The following ANO2 variants were observed in gnomAD, a reference collection of about 807,000 sequenced individuals.
The protein encoded by ANO2 is anoctamin-2.
In ANO2, 101 loss-of-function variants were observed where a neutral mutation model predicts 124.2. The observed-to-expected ratio is 0.81, with a 90% CI of 0.69 to 0.96. The LOEUF is 0.96. Among genes scored for constraint, ANO2 ranks in the 40% least tolerant of loss-of-function variants. The pLI, the probability that ANO2 is intolerant of heterozygous loss-of-function variation, is 0.00. For synonymous variants in ANO2, 486 were observed against 482.5 expected (o/e 1.01, Z -0.09); for missense variants, 1,293 against 1,274.5 (o/e 1.01, Z -0.22).
intron 4 of ANO2, among the ~76,000 whole-genome samples, chr12:5,850,323 A>C (rs757351089): frequency 6.6e-6 from 1 of 151,602 alleles, no homozygotes; most frequent in Non-Finnish European, 1.5e-5. Flanking sequence ...GGCTGAGGCA[A>C]GAGAATTGCT....
intron 14 of ANO2, among the ~76,000 whole-genome samples, chr12:5,677,855 TC>T (rs1948318740): frequency 6.6e-6 from 1 of 152,166 alleles, no homozygotes; most frequent in African/African-American, 2.4e-5. Context: ...GGGGGCAATT[TC>T]CTTAGACGGC....
intron 1 of ANO2, among the ~76,000 whole-genome samples, chr12:5,943,047 A>T (rs1942955315): frequency 6.6e-6 from 1 of 152,190 alleles, no homozygotes; most frequent in Non-Finnish European, 1.5e-5. Context: ...ACTATAGAAA[A>T]ACAGTATGGA....
chr12:5,902,289 A>G (rs1213301084), intron 3 of ANO2, among the ~76,000 whole-genome samples: 1 of 152,112 alleles, frequency 6.6e-6, no homozygotes, highest in Non-Finnish European at 1.5e-5. Flanking sequence ...TAAGAATGGC[A>G]TTCAAAATAG....
At chr12:5,834,529 T>C (rs1446186302) in intron 4 of ANO2, among the ~76,000 whole-genome samples, 1 of 152,196 alleles carries the variant, frequency 6.6e-6, no homozygotes, top group South Asian at 2.1e-4. Flanking sequence ...TCAGTTGGAT[T>C]TGGCAGAAGG....
At chr12:5,681,961 G>GA (rs1948511553) in intron 14 of ANO2, among the ~76,000 whole-genome samples, 1 of 152,166 alleles carries the variant, frequency 6.6e-6, no homozygotes, top group Non-Finnish European at 1.5e-5. Flanking sequence ...GATAATTGGG[G>GA]AAAATCATGG....
At chr12:5,852,060 G>C in intron 4 of ANO2, 1 of 701,848 alleles carries the variant, frequency 1.4e-6, no homozygotes, top group Non-Finnish European at 2.6e-6. Context: ...AGAGAGAAAG[G>C]AGAATAATAT....
intron 14 of ANO2, among the ~76,000 whole-genome samples, chr12:5,718,928 C>T (rs1283338018): frequency 6.6e-6 from 1 of 152,342 alleles, no homozygotes; most frequent in East Asian, 1.9e-4. Flanking sequence ...CGCTGGGCCA[C>T]CTCCTACTGA....
At chr12:5,610,893 G>T (rs1438525920) in intron 19 of ANO2, among the ~76,000 whole-genome samples, 3 of 145,812 alleles carry the variant, frequency 2.1e-5, no homozygotes, top group African/African-American at 2.6e-5. Flanking sequence ...TAAAGAAAAT[G>T]ATGGCAGTCC....
At chr12:5,942,826 A>G (rs970564977) in intron 1 of ANO2, among the ~76,000 whole-genome samples, 1 of 152,250 alleles carries the variant, frequency 6.6e-6, no homozygotes, top group Admixed American at 6.5e-5. Context: ...TCTCAAAAGA[A>G]GATATATAAA....
chr12:5,705,361 C>G (rs1230474279), intron 14 of ANO2, among the ~76,000 whole-genome samples: 1 of 152,148 alleles, frequency 6.6e-6, no homozygotes, highest in Admixed American at 6.5e-5. Flanking sequence ...TGAATGCTAT[C>G]CACTTTAAAC....
chr12:5,577,927 C>T (rs370531955), intron 22 of ANO2, 28 bp downstream of exon 22: 68 of 1,608,238 alleles, frequency 4.2e-5, no homozygotes, highest in Admixed American at 2.8e-4. Flanking sequence ...TCCCACAGAG[C>T]GAGTGTGTCA....
In ANO2 at chr12:5,612,911, C is replaced by G; in HGVS notation, c.1976G>C (p.Arg659Pro). 1 of 1,613,888 alleles carries G rather than the reference C, an allele frequency of 6.2e-7. No homozygotes were observed. Residue 659 changes from arginine to proline, a missense_variant, in exon 18 of 25, where the codon CGC becomes CCC. Coordinates refer to ENST00000682330, the MANE Select transcript of ANO2 (RefSeq NM_001364791.2). Reference protein sequence around the residue: ...GSYVYVFDGYRMEECAPGGCL... With the variant: ...GSYVYVFDGYPMEECAPGGCL... The stretch of plus-strand genomic sequence containing the variant: ...AGTGGCTGTACTTGCCTCTTCCATG[C>G]GGTAACCATCGAATACATAGACGTA...
chr12:5,758,793 T>G (rs779676666), intron 10 of ANO2, among the ~76,000 whole-genome samples: 3 of 152,164 alleles, frequency 2.0e-5, no homozygotes, highest in Non-Finnish European at 2.9e-5. Flanking sequence ...CTTACCTCAG[T>G]TTCCACTGTC....
rs187824766 is a variant in ANO2 at position 5,759,711 on chromosome 12, A to G, written c.1056-8741T>C. On this transcript the variant is annotated intron_variant, in intron 10 of 24. Transcript: ENST00000682330. ...TCCCACTGTCCCCAGCCTGTGGAAA[A>G]ATTATCTTCCACGAAACTGATCCCT... is the stretch of plus-strand genomic sequence containing the variant. Among the ~76,000 whole-genome samples the G allele has an allele frequency of 2.1e-4, 32 of 151,440 alleles. 1 individual carries two copies. The East Asian group carries it at 6.2e-3, about 29-fold the overall frequency.
intron 4 of ANO2, among the ~76,000 whole-genome samples, chr12:5,849,081 T>G (rs1954782958): frequency 6.6e-6 from 1 of 152,204 alleles, no homozygotes; most frequent in Non-Finnish European, 1.5e-5. Flanking sequence ...TCTACTTGCG[T>G]GCAAAGGACA....
intron 20 of ANO2, among the ~76,000 whole-genome samples, chr12:5,593,564 C>G (rs1412157970): frequency 2.0e-5 from 3 of 152,304 alleles, no homozygotes; most frequent in Admixed American, 2.0e-4. Flanking sequence ...ACAGGAAGAA[C>G]CTCCAGAGAT....
chr12:5,683,591 T>C (rs1402031509), intron 14 of ANO2, among the ~76,000 whole-genome samples: 2 of 152,168 alleles, frequency 1.3e-5, no homozygotes, highest in African/African-American at 4.8e-5. Flanking sequence ...TCCAGTCTCA[T>C]GCCACATCAC....
rs778755360 is a variant in ANO2, at chr12:5,921,061, C to T, written c.513G>A (p.Leu171=). ...EFEHNLMEAG[L]ELEKDLENKS... ...TCACCTCCAAGTCCTTCTCAAGCTCCAGTCCAGCCTCCATCAGATTGTGCT... is the reference window on the plus strand; with the variant it reads ...TCACCTCCAAGTCCTTCTCAAGCTCTAGTCCAGCCTCCATCAGATTGTGCT... Residue 171 remains leucine, a synonymous_variant, in exon 3 of 25, where the codon CTG becomes CTA. Transcript: ENST00000682330. 4 of 1,609,028 alleles carry T rather than the reference C, an allele frequency of 2.5e-6. No individual in the cohort carries two copies. The highest frequency in any genetic ancestry group is 3.4e-6 in the Non-Finnish European group (4 of 1,175,712).
At position 5,745,402 on chromosome 12, in the gene ANO2, A is replaced by G. The variant is rs548676483; in HGVS notation, c.1191-1085T>C. Among the ~76,000 whole-genome samples, 6 of 152,314 alleles carry G rather than the reference A, an allele frequency of 3.9e-5. No homozygotes were observed. In the South Asian group the frequency reaches 6.2e-4, roughly 16 times the overall value. On this transcript the variant is annotated intron_variant, in intron 11 of 24. Transcript: ENST00000682330. ...CAGCTGGAGACAATGATGGGGAGGC[A>G]GGGGATCCAGCACTGAGAACCACAG... is the stretch of plus-strand genomic sequence containing the variant.
Sources: gnomAD v4.1 joint callset for allele counts (sites outside exome capture counted in the v4.1 genomes callset) on GRCh38, gnomAD v4.1.1 for gene constraint, MANE v1.5 for transcripts, NCBI Gene and HGNC (gene_info 2026-07-23, HGNC 2026-07-21) for gene names.